The following METTL15 variants were observed in gnomAD, a reference collection of about 807,000 sequenced individuals.
The protein encoded by METTL15 is methyltransferase 15, mitochondrial 12S rRNA N4-cytidine.
Under a neutral mutation model 38.3 loss-of-function variants are expected in METTL15, and 34 were observed. The observed-to-expected ratio is 0.89, with a 90% CI of 0.68 to 1.18. The LOEUF is 1.18. METTL15 is among the 50% of genes most tolerant of loss of function. The pLI is 0.00. For missense variants in METTL15, 438 were observed against 498.4 expected (o/e 0.88, Z 1.15); for synonymous variants, 162 against 170.9 (o/e 0.95, Z 0.41).
At chr11:28,262,348 CTATA>C (rs1331549538) in intron 4 of METTL15, among the ~76,000 whole-genome samples, 1 of 150,642 alleles carries the variant, frequency 6.6e-6, no homozygotes, top group African/African-American at 2.4e-5. Flanking sequence ...GATATATACA[CTATA>C]TAACTACAGA....
chr11:28,407,805 G>A (rs1850687036), intron 5 of METTL15, among the ~76,000 whole-genome samples: 1 of 151,990 alleles, frequency 6.6e-6, no homozygotes, highest in Admixed American at 6.6e-5. Context: ...CCCATTACTG[G>A]ATATATATCC....
chr11:28,148,976 G>A (rs756160626), intron 3 of METTL15, among the ~76,000 whole-genome samples: 1 of 151,914 alleles, frequency 6.6e-6, no homozygotes, highest in Non-Finnish European at 1.5e-5. Context: ...AAAAGGATGG[G>A]AAATGAGAAT....
At chr11:28,269,664 G>T (rs1420561915) in intron 4 of METTL15, among the ~76,000 whole-genome samples, 1 of 152,142 alleles carries the variant, frequency 6.6e-6, no homozygotes, top group African/African-American at 2.4e-5. Flanking sequence ...ATCAGCACTA[G>T]ATTCTTTGGG....
At chr11:28,486,420 T>A (rs893284217) in intron 6 of METTL15, among the ~76,000 whole-genome samples, 1 of 151,680 alleles carries the variant, frequency 6.6e-6, no homozygotes, top group African/African-American at 2.4e-5. Flanking sequence ...CTCTCTTAGA[T>A]GATTGGGTAA....
intron 6 of METTL15, among the ~76,000 whole-genome samples, chr11:28,428,772 G>A (rs1422534154): frequency 6.6e-6 from 1 of 152,158 alleles, no homozygotes; most frequent in East Asian, 1.9e-4. Context: ...CTGAGCTTAA[G>A]TAACTTCTAG....
chr11:28,307,498 A>T (rs1383087620), intron 6 of METTL15, among the ~76,000 whole-genome samples: 1 of 152,030 alleles, frequency 6.6e-6, no homozygotes, highest in Non-Finnish European at 1.5e-5. Context: ...TTTCTTTAGC[A>T]TATAGGCACT....
chr11:28,236,095 A>G (rs1162651466), intron 4 of METTL15, among the ~76,000 whole-genome samples: 1 of 152,138 alleles, frequency 6.6e-6, no homozygotes, highest in Non-Finnish European at 1.5e-5. Flanking sequence ...TTCTGTGTAT[A>G]TGCTGGATTA....
intron 6 of METTL15, among the ~76,000 whole-genome samples, chr11:28,309,249 ACACAAATCTCGCTTTTGACTCGT>A (rs919118546): frequency 2.0e-5 from 3 of 152,204 alleles, no homozygotes; most frequent in Non-Finnish European, 4.4e-5. Flanking sequence ...CTGGCTGATC[ACACAAATCTCGCTTTTGACTCGT>A]CACAAATCTC....
At chr11:28,179,293 G>A (rs113233490) in intron 3 of METTL15, among the ~76,000 whole-genome samples, 7 of 151,652 alleles carry the variant, frequency 4.6e-5, no homozygotes, top group Admixed American at 1.3e-4. Flanking sequence ...TTCATTATGC[G>A]TTATTTTTTC....
At chr11:28,282,205 C>T (rs1403710745) in intron 4 of METTL15, among the ~76,000 whole-genome samples, 1 of 152,150 alleles carries the variant, frequency 6.6e-6, no homozygotes, top group Non-Finnish European at 1.5e-5. Flanking sequence ...TGACAGACCC[C>T]TGTGCCACAG....
chr11:28,292,042 CATTT>C (rs1172396162), intron 5 of METTL15, among the ~76,000 whole-genome samples: 2 of 151,530 alleles, frequency 1.3e-5, no homozygotes, highest in East Asian at 1.9e-4. Flanking sequence ...TAGGAGAATA[CATTT>C]ATTTATTATT....
chr11:28,212,883 C>T (rs1852699438), intron 4 of METTL15, among the ~76,000 whole-genome samples: 1 of 152,144 alleles, frequency 6.6e-6, no homozygotes, highest in African/African-American at 2.4e-5. Context: ...CCAATGATTT[C>T]AGTGGCTCTT....
At chr11:28,381,900 T>C (rs1375513667) in intron 5 of METTL15, among the ~76,000 whole-genome samples, 1 of 152,012 alleles carries the variant, frequency 6.6e-6, no homozygotes, top group Non-Finnish European at 1.5e-5. Context: ...GGTCAAATTT[T>C]ATGGTTTCCT....
rs1850273351 is a variant in METTL15, at chr11:28,373,778, C to A, written c.*358+11742C>A. ...TGAATGGTAATGCCTAGGTTTTCTT[C>A]TAGGGTTTTTCTGGTTTTAGGTCTA... is the stretch of plus-strand genomic sequence containing the variant. On this transcript the variant is annotated intron_variant and NMD_transcript_variant, in intron 5 of 7. Transcript: ENST00000532947. 2.0e-5 allele frequency among the ~76,000 whole-genome samples: 3 copies of A among 152,026 alleles called. No individual in the cohort carries two copies. In the South Asian group the frequency reaches 6.2e-4, roughly 32 times the overall value.
intron 3 of METTL15, chr11:28,145,757 A>G (rs1312283057): frequency 6.6e-6 from 1 of 152,064 alleles, no homozygotes; most frequent in Non-Finnish European, 1.5e-5. Context: ...TGTATAATAA[A>G]AGTTATTGTG....
intron 4 of METTL15, among the ~76,000 whole-genome samples, chr11:28,247,044 A>G (rs1357083158): frequency 1.3e-5 from 2 of 152,162 alleles, no homozygotes; most frequent in African/African-American, 4.8e-5. Context: ...CTGTATTAGT[A>G]TGATGTGTAC....
chr11:28,308,872 T>A (rs1252504002), intron 6 of METTL15, among the ~76,000 whole-genome samples: 1 of 144,500 alleles, frequency 6.9e-6, no homozygotes, highest in African/African-American at 2.6e-5. Flanking sequence ...GAAAGAAAGA[T>A]TAGATAGATA....
chr11:28,144,141 A>G (rs1196123005), intron 3 of METTL15, among the ~76,000 whole-genome samples: 1 of 152,180 alleles, frequency 6.6e-6, no homozygotes, highest in African/African-American at 2.4e-5. Context: ...AGTGGATTGC[A>G]ATAAGCATTT....
chr11:28,435,070 T>C (rs185056175), intron 6 of METTL15, among the ~76,000 whole-genome samples: 211 of 152,254 alleles, frequency 1.4e-3, no homozygotes, highest in African/African-American at 4.9e-3. Context: ...AAAACCTGTG[T>C]CCCCTAATTT....
Sources: allele counts gnomAD v4.1 joint callset (sites outside exome capture counted in the v4.1 genomes callset), GRCh38; gene constraint gnomAD v4.1.1; transcripts MANE v1.5; gene names NCBI Gene and HGNC (gene_info 2026-07-23, HGNC 2026-07-21).